The following CSMD1 variants were observed in gnomAD, a reference collection of about 807,000 sequenced individuals.
CSMD1 encodes the protein CUB and Sushi multiple domains 1.
Under a neutral mutation model 417.5 loss-of-function variants are expected in CSMD1, and 213 were observed. The ratio of observed to expected loss-of-function variants is 0.51; its 90% confidence interval spans 0.46 to 0.57. The LOEUF is 0.57. CSMD1 is among the 20% of genes least tolerant of loss of function. The pLI is 0.00. For missense variants in CSMD1, 6,923 were observed against 4,529.7 expected (o/e 1.53, Z -15.17); for synonymous variants, 2,862 against 1,736.8 (o/e 1.65, Z -16.11).
intron 2 of CSMD1, among the ~76,000 whole-genome samples, chr8:4,505,414 T>C (rs1255392905): frequency 6.6e-6 from 1 of 152,212 alleles, no homozygotes; most frequent in Non-Finnish European, 1.5e-5. Flanking sequence ...ATTAAATCAA[T>C]AAAACTTTGA....
chr8:4,266,887 G>C (rs1416161986), intron 3 of CSMD1, among the ~76,000 whole-genome samples: 4 of 104,162 alleles, frequency 3.8e-5, no homozygotes, highest in African/African-American at 1.0e-4. Flanking sequence ...AACGTGTTAA[G>C]ATGGAAGAAG....
In CSMD1 at chr8:2,998,201, C is replaced by T; in HGVS notation, c.8204-17G>A. 2 of 1,612,360 alleles carry T rather than the reference C, an allele frequency of 1.2e-6. No homozygotes were observed. Among genetic ancestry groups the T allele is most frequent in the Non-Finnish European group, 1.7e-6 (2 of 1,178,798 alleles). On this transcript the variant is annotated splice_polypyrimidine_tract_variant and intron_variant, in intron 53 of 69. Coordinates refer to ENST00000635120, the MANE Select transcript of CSMD1 (RefSeq NM_033225.6). ...ATGTGATGGCTGTAGAGAGACAGGT[C>T]AACGTCATTGTTAAATATTGAACAG... is the stretch of plus-strand genomic sequence containing the variant.
chr8:4,179,888 A>C (rs1458386148), intron 3 of CSMD1, among the ~76,000 whole-genome samples: 1 of 152,206 alleles, frequency 6.6e-6, no homozygotes, highest in Non-Finnish European at 1.5e-5. Flanking sequence ...ATACCATCTC[A>C]CACCAGTTAG....
Position 4,489,720 on chromosome 8 carries a change from C to G in CSMD1, c.303-69655G>C, listed in dbSNP as rs539824274. On this transcript the variant is annotated intron_variant, in intron 2 of 69. Transcript: ENST00000635120. ...GATTGCAGCACCCTCCCTGCTCACA[C>G]CCTGGCTGGCAGGGAAGAAGCAGCT... Among the ~76,000 whole-genome samples the G allele has an allele frequency of 2.6e-5, 4 of 152,310 alleles. No individual in the cohort carries two copies. In the East Asian group the frequency reaches 7.8e-4, roughly 30 times the overall value.
chr8:4,011,541 A>T (rs1010869438), intron 4 of CSMD1, among the ~76,000 whole-genome samples: 1 of 152,162 alleles, frequency 6.6e-6, no homozygotes, highest in East Asian at 1.9e-4. Flanking sequence ...CAGAAGGCCC[A>T]CATGTCAGCC....
intron 3 of CSMD1, among the ~76,000 whole-genome samples, chr8:4,057,403 G>C (rs928993141): frequency 5.3e-5 from 8 of 152,036 alleles, no homozygotes; most frequent in South Asian, 2.1e-4. Flanking sequence ...TTGTAAATTT[G>C]TTTGAGTTCA....
chr8:4,312,834 A>C (rs974037723), intron 3 of CSMD1, among the ~76,000 whole-genome samples: 1 of 152,190 alleles, frequency 6.6e-6, no homozygotes, highest in African/African-American at 2.4e-5. Flanking sequence ...AGATCGCGCC[A>C]GGCAAGGCGG....
intron 1 of CSMD1, among the ~76,000 whole-genome samples, chr8:4,810,654 T>G (rs539269396): frequency 6.6e-6 from 1 of 151,016 alleles, no homozygotes; most frequent in Admixed American, 6.6e-5. Flanking sequence ...TTGTATTACA[T>G]AGAAAATTTC....
intron 7 of CSMD1, among the ~76,000 whole-genome samples, chr8:3,670,071 G>C (rs951475673): frequency 3.3e-5 from 5 of 152,116 alleles, no homozygotes; most frequent in Non-Finnish European, 7.3e-5. Context: ...GGTTAATACT[G>C]AGTGTCAACT....
intron 1 of CSMD1, among the ~76,000 whole-genome samples, chr8:4,879,232 G>C (rs1427525879): frequency 2.6e-5 from 4 of 152,002 alleles, no homozygotes; most frequent in Non-Finnish European, 5.9e-5. Flanking sequence ...ACAGGGACAA[G>C]GACATCAACT....
intron 7 of CSMD1, among the ~76,000 whole-genome samples, chr8:3,671,931 T>C (rs1799092611): frequency 6.6e-6 from 1 of 152,144 alleles, no homozygotes; most frequent in Admixed American, 6.5e-5. Flanking sequence ...CTGCTGGTCA[T>C]TTTTGAAAGA....
chr8:3,163,196 A>G (rs959051334), intron 37 of CSMD1, among the ~76,000 whole-genome samples: 2 of 152,212 alleles, frequency 1.3e-5, no homozygotes, highest in Non-Finnish European at 2.9e-5. Context: ...TTGAATACAA[A>G]TAATTTATTC....
chr8:4,025,499 A>G (rs539962483), intron 4 of CSMD1, among the ~76,000 whole-genome samples: 4 of 152,368 alleles, frequency 2.6e-5, no homozygotes, highest in Non-Finnish European at 5.9e-5. Context: ...TCAAGAGGCA[A>G]AAGCATTTTT....
chr8:4,143,371 C>CTTTTTTTT (rs71534385), intron 3 of CSMD1, among the ~76,000 whole-genome samples: 1 of 112,934 alleles, frequency 8.9e-6, no homozygotes. Context: ...CGTCTTATCC[C>CTTTTTTTT]TTTTTTTTTT....
chr8:4,504,446 G>A (rs570215459), intron 2 of CSMD1, among the ~76,000 whole-genome samples: 6 of 152,178 alleles, frequency 3.9e-5, no homozygotes, highest in African/African-American at 1.4e-4. Flanking sequence ...ACACTTACAA[G>A]TTTGTTAAGA....
chr8:3,193,807 A>G (rs544317935), intron 33 of CSMD1, among the ~76,000 whole-genome samples: 9 of 152,284 alleles, frequency 5.9e-5, no homozygotes, highest in African/African-American at 2.2e-4. Flanking sequence ...ATGTGTGCTC[A>G]TCTGTCGGGA....
chr8:4,505,981 G>T (rs1282584822), intron 2 of CSMD1, among the ~76,000 whole-genome samples: 2 of 151,774 alleles, frequency 1.3e-5, no homozygotes, highest in East Asian at 1.9e-4. Flanking sequence ...GTATTTTAGT[G>T]GAGATGGGGT....
intron 12 of CSMD1, among the ~76,000 whole-genome samples, chr8:3,449,517 G>C (rs966600257): frequency 6.7e-6 from 1 of 149,356 alleles, no homozygotes; most frequent in South Asian, 2.2e-4. Flanking sequence ...TCTCATGACA[G>C]CAATTTTTTT....
At chr8:3,439,444 G>C (rs1814823819) in intron 12 of CSMD1, among the ~76,000 whole-genome samples, 1 of 150,154 alleles carries the variant, frequency 6.7e-6, no homozygotes, top group Non-Finnish European at 1.5e-5. Context: ...ATGTTCTTTG[G>C]TGAAAGGTCT....
Sources: allele counts gnomAD v4.1 joint callset (sites outside exome capture counted in the v4.1 genomes callset), GRCh38; gene constraint gnomAD v4.1.1; transcripts MANE v1.5; gene names NCBI Gene and HGNC (gene_info 2026-07-23, HGNC 2026-07-21).